The following GMDS variants were observed in gnomAD, a reference collection of about 807,000 sequenced individuals.
GMDS encodes GDP-mannose 4,6 dehydratase.
Under a neutral mutation model 49.9 loss-of-function variants are expected in GMDS, and 20 were observed. The observed-to-expected ratio is 0.40, with a 90% CI of 0.28 to 0.58. GMDS has a LOEUF of 0.58. GMDS is among the 20% of genes least tolerant of loss of function. The pLI, the probability that GMDS is intolerant of heterozygous loss-of-function variation, is 0.42. For missense variants in GMDS, 362 were observed against 481.4 expected, an observed-to-expected ratio of 0.75 and a Z score of 2.32; for synonymous variants, 177 against 178.6, an observed-to-expected ratio of 0.99 and a Z score of 0.07.
chr6:1,827,938 G>A (rs1239728857), intron 7 of GMDS, among the ~76,000 whole-genome samples: 1 of 151,908 alleles, frequency 6.6e-6, no homozygotes, highest in Non-Finnish European at 1.5e-5. Context: ...GCATTCAAAG[G>A]AACAAAATAA....
chr6:1,778,406 G>A lies in GMDS; in HGVS notation c.772-35820C>T, dbSNP rs1026783295. On this transcript the variant is annotated intron_variant, in intron 7 of 10. Transcript: ENST00000380815. The surrounding 1 kb of genome is among the most constrained non-coding windows in gnomAD (Gnocchi z 4.6). ...TAAATGAGCTGATGTTAAAGGTTCAGTGGAGACAGCAGACGAGTGGAACGG... is the reference window on the plus strand; with the variant it reads ...TAAATGAGCTGATGTTAAAGGTTCAATGGAGACAGCAGACGAGTGGAACGG... Among the ~76,000 whole-genome samples the A allele has an allele frequency of 2.6e-5, 4 of 152,202 alleles. No individual in the cohort carries two copies. Among genetic ancestry groups the A allele is most frequent in the Non-Finnish European group, 4.4e-5 (3 of 68,034 alleles).
rs1779039365 is a variant in GMDS at position 2,191,954 on chromosome 6, C to T, written c.102+53367G>A. ...CTTTTCTGGGCCTGCCCATGACCACCCATGGACCAACTGGCACACACTTCC... is the reference window on the plus strand; with the variant it reads ...CTTTTCTGGGCCTGCCCATGACCACTCATGGACCAACTGGCACACACTTCC... On this transcript the variant is annotated intron_variant, in intron 1 of 10. Transcript: ENST00000380815. This position sits in a 1 kb window ranked among gnomAD's most constrained non-coding sequence, Gnocchi z 4.6. Among the ~76,000 whole-genome samples the T allele has an allele frequency of 6.6e-6, 1 of 152,176 alleles. No homozygotes were observed. The highest frequency in any genetic ancestry group is 1.9e-4 in the East Asian group (1 of 5,176).
intron 9 of GMDS, among the ~76,000 whole-genome samples, chr6:1,674,887 A>G (rs1353337951): frequency 2.0e-5 from 3 of 150,816 alleles, no homozygotes; most frequent in Non-Finnish European, 4.4e-5. Flanking sequence ...TAGACTTACA[A>G]CTATTTCTTT....
intron 4 of GMDS, among the ~76,000 whole-genome samples, chr6:2,073,261 G>T (rs879817717): frequency 6.6e-6 from 1 of 152,210 alleles, no homozygotes; most frequent in Non-Finnish European, 1.5e-5. Flanking sequence ...CAGAGCATCA[G>T]TCTGCAGAAT....
Position 1,727,372 on chromosome 6 carries a change from C to T in GMDS, c.891-860G>A, listed in dbSNP as rs76515422. Among the ~76,000 whole-genome samples, 1,218 of 152,238 alleles carry T rather than the reference C, an allele frequency of 8.0e-3. 11 individuals are homozygous for T. The highest frequency in any genetic ancestry group is 0.027 in the African/African-American group (1,106 of 41,514). Reference sequence around the variant, plus strand: ...AATCAAGCCACTCACTTAATGGTAACGTCTGGATGTCTATAATATTACAGA... The same window carrying T: ...AATCAAGCCACTCACTTAATGGTAATGTCTGGATGTCTATAATATTACAGA... On this transcript the variant is annotated intron_variant, in intron 8 of 10. Transcript: ENST00000380815.
chr6:2,032,863 C>A (rs994569744), intron 4 of GMDS, among the ~76,000 whole-genome samples: 10 of 152,126 alleles, frequency 6.6e-5, no homozygotes, highest in African/African-American at 2.4e-4. Context: ...AATACAGTTC[C>A]TCTTACTGAT....
At chr6:1,650,181 T>TC (rs1763608811) in intron 9 of GMDS, among the ~76,000 whole-genome samples, 1 of 152,084 alleles carries the variant, frequency 6.6e-6, no homozygotes, top group South Asian at 2.1e-4. Flanking sequence ...GCCAATACTA[T>TC]CAGCAACTGC....
At chr6:1,721,209 G>A (rs569829080) in intron 9 of GMDS, among the ~76,000 whole-genome samples, 5 of 152,234 alleles carry the variant, frequency 3.3e-5, no homozygotes, top group Non-Finnish European at 5.9e-5. Context: ...AGGACAACTC[G>A]ACAAGCATAT....
At position 1,868,416 on chromosome 6, in the gene GMDS, A is replaced by G. The variant is rs77508351; in HGVS notation, c.771+61687T>C. Among the ~76,000 whole-genome samples the G allele has an allele frequency of 2.4e-3, 360 of 152,306 alleles. 3 individuals carry two copies. Among genetic ancestry groups the G allele is most frequent in the African/African-American group, 8.3e-3 (345 of 41,564 alleles). On this transcript the variant is annotated intron_variant, in intron 7 of 10. Transcript: ENST00000380815. ...AAATATGGAGTAAATACATACATGG[A>G]TGAACCAAGGAGGACCGCAGTGATC...
chr6:1,931,554 C>CA (rs947457105), intron 6 of GMDS, among the ~76,000 whole-genome samples: 3 of 151,450 alleles, frequency 2.0e-5, no homozygotes, highest in African/African-American at 4.9e-5. Context: ...AGAGGTCCTT[C>CA]AAAAAAAAGT....
chr6:2,124,773 G>A, intron 1 of GMDS, 42 bp from the exon 2 acceptor site: 1 of 1,458,888 alleles, frequency 6.9e-7, no homozygotes, highest in East Asian at 2.3e-5. Context: ...GTCTCATAGT[G>A]GTATAGAAAG....
intron 7 of GMDS, among the ~76,000 whole-genome samples, chr6:1,857,822 C>T (rs1339852738): frequency 1.3e-5 from 2 of 152,090 alleles, no homozygotes; most frequent in Non-Finnish European, 2.9e-5. Context: ...TAGAAGTTGC[C>T]ACCCTTGTTA....
At chr6:2,179,796 AT>A (rs1475119156) in intron 1 of GMDS, among the ~76,000 whole-genome samples, 1 of 152,178 alleles carries the variant, frequency 6.6e-6, no homozygotes, top group Non-Finnish European at 1.5e-5. Context: ...CCATCTATCT[AT>A]CTACCCATCT....
intron 4 of GMDS, among the ~76,000 whole-genome samples, chr6:2,041,105 G>A (rs1473915182): frequency 6.6e-6 from 1 of 152,128 alleles, no homozygotes; most frequent in African/African-American, 2.4e-5. Context: ...TTGCTCTGTG[G>A]TTCTAAGGTA....
intron 1 of GMDS, among the ~76,000 whole-genome samples, chr6:2,172,559 G>C (rs529823267): frequency 2.0e-5 from 3 of 152,232 alleles, no homozygotes; most frequent in Admixed American, 2.0e-4. Flanking sequence ...CAGGCATGGT[G>C]GTGGGCACCT....
At chr6:1,656,072 CT>C (rs1264641533) in intron 9 of GMDS, among the ~76,000 whole-genome samples, 1 of 152,212 alleles carries the variant, frequency 6.6e-6, no homozygotes, top group African/African-American at 2.4e-5. Flanking sequence ...CCCAGAACAC[CT>C]GTCTCCATGG....
rs10523956 is a variant in GMDS, at chr6:2,013,925, CATATATATATAT to C, written c.346-52971_346-52960del. ...AGAGAACACCAGAGAGGATAAAAACCATATATATATATATATATATATATATATATATATGCA... is the reference window on the plus strand; with the variant it reads ...AGAGAACACCAGAGAGGATAAAAACCATATATATATATATATATATATGCA... On this transcript the variant is annotated intron_variant, in intron 4 of 10. Transcript: ENST00000380815. 4.2e-4 allele frequency among the ~76,000 whole-genome samples: 53 copies of C among 125,170 alleles called. 2 individuals are homozygous for C. The highest frequency in any genetic ancestry group is 1.5e-3 in the African/African-American group (43 of 28,412). The allele number at this position is 125,170 out of a possible 152,430, so 82.1% of individuals were successfully genotyped here.
At position 2,239,165 on chromosome 6, in the gene GMDS, C is replaced by T. The variant is rs144505676; in HGVS notation, c.102+6156G>A. Among the ~76,000 whole-genome samples, 535 of 152,240 alleles carry T rather than the reference C, an allele frequency of 3.5e-3. 4 individuals are homozygous for T. The highest frequency in any genetic ancestry group is 0.012 in the African/African-American group (509 of 41,548). On this transcript the variant is annotated intron_variant, in intron 1 of 10. Coordinates refer to ENST00000380815, the MANE Select transcript of GMDS (RefSeq NM_001500.4). ...CCAACATGGCAAAACCCCAACTCTA[C>T]TAAAAATACAAAAATTAGTTGGGCG...
At chr6:1,882,886 T>C (rs1310147441) in intron 7 of GMDS, among the ~76,000 whole-genome samples, 1 of 152,220 alleles carries the variant, frequency 6.6e-6, no homozygotes, top group African/African-American at 2.4e-5. Context: ...GTTTTTCCTT[T>C]GGTAAAACAG....
Sources: gnomAD v4.1 joint callset for allele counts (sites outside exome capture counted in the v4.1 genomes callset) on GRCh38, gnomAD v4.1.1 for gene constraint, Gnocchi (gnomAD v3.1) non-coding constraint, MANE v1.5 for transcripts, NCBI Gene and HGNC (gene_info 2026-07-23, HGNC 2026-07-21) for gene names.